Variants in COL25A1 observed in about 807,000 individuals in gnomAD.
The protein encoded by COL25A1 is collagen type XXV alpha 1 chain, also known as collagen alpha-1(XXV) chain.
COL25A1 carries 103 observed loss-of-function variants against 128.4 expected under a neutral mutation model. The ratio of observed to expected loss-of-function variants is 0.80; its 90% CI spans 0.68 to 0.94. The LOEUF (loss-of-function observed/expected upper bound fraction) is 0.94, where lower values mean the gene tolerates loss of function less well. Among genes scored for constraint, COL25A1 ranks in the 40% least tolerant of loss-of-function variants. COL25A1 has a pLI of 0.00. For missense variants in COL25A1, 745 were observed against 840.0 expected (o/e 0.89, Z 1.40); for synonymous variants, 279 against 277.2 (o/e 1.01, Z -0.06).
At chr4:108,825,801 G>A (rs1354755956) in intron 33 of COL25A1, among the ~76,000 whole-genome samples, 2 of 152,192 alleles carry the variant, frequency 1.3e-5, no homozygotes, top group Admixed American at 6.5e-5. Flanking sequence ...GTGTACGAAG[G>A]ATGTGAAGGC....
intron 3 of COL25A1, among the ~76,000 whole-genome samples, chr4:109,210,255 A>G (rs1018517147): frequency 6.6e-6 from 1 of 152,064 alleles, no homozygotes; most frequent in Non-Finnish European, 1.5e-5. Context: ...AAAAAACTCC[A>G]TTTTATATTG....
intron 6 of COL25A1, among the ~76,000 whole-genome samples, chr4:108,990,000 G>A (rs892989979): frequency 5.3e-5 from 8 of 151,646 alleles, no homozygotes; most frequent in African/African-American, 1.9e-4. Flanking sequence ...ATCACTTGGG[G>A]TCAGGAGTTT....
chr4:108,829,395 CT>C (rs1732793219), intron 32 of COL25A1, among the ~76,000 whole-genome samples: 3 of 72,590 alleles, frequency 4.1e-5, no homozygotes, highest in Non-Finnish European at 9.1e-5. Flanking sequence ...GTGTATCTAT[CT>C]ATCTATCTAT....
rs192452929 is a variant in COL25A1 at position 108,945,995 on chromosome 4, A to T, written c.493-4558T>A. The stretch of plus-strand genomic sequence containing the variant: ...TAATTTGTACATATTTTCACACCCA[A>T]ATACTTTGAATTCTTAAGAAATCGG... On this transcript the variant is annotated intron_variant, in intron 8 of 37. Coordinates refer to ENST00000399132, the MANE Select transcript of COL25A1 (RefSeq NM_198721.4). 1.1e-3 allele frequency among the ~76,000 whole-genome samples: 167 copies of T among 152,256 alleles called. 1 individual carries two copies. The highest frequency in any genetic ancestry group is 3.9e-3 in the African/African-American group (162 of 41,550).
intron 3 of COL25A1, among the ~76,000 whole-genome samples, chr4:109,260,252 A>C (rs941077077): frequency 2.0e-5 from 3 of 152,216 alleles, no homozygotes; most frequent in African/African-American, 2.4e-5. Context: ...AAGTATTCTC[A>C]TAATAAGCTG....
chr4:109,047,437 A>G (rs1040494551), intron 5 of COL25A1, among the ~76,000 whole-genome samples: 21 of 152,232 alleles, frequency 1.4e-4, no homozygotes, highest in African/African-American at 5.1e-4. Context: ...TGAGGATGCA[A>G]AGGCATAAGA....
intron 5 of COL25A1, among the ~76,000 whole-genome samples, chr4:109,041,841 T>A (rs532897974): frequency 6.6e-6 from 1 of 151,998 alleles, no homozygotes; most frequent in African/African-American, 2.4e-5. Context: ...GATGGCAGAG[T>A]CTCCATCAGT....
In COL25A1 at chr4:108,899,011, A is replaced by ATCTATC. The variant is rs1553963413; in HGVS notation, c.861+142_861+143insGATAGA. 12 of 586,014 alleles carry ATCTATC rather than the reference A, an allele frequency of 2.0e-5. 1 individual carries two copies. Among genetic ancestry groups the ATCTATC allele is most frequent in the South Asian group, 7.8e-5 (3 of 38,616 alleles). The allele number at this position is 586,014 out of a possible 1,614,324, so 36.3% of individuals were successfully genotyped here. A position where few individuals can be genotyped will look rare whatever the true frequency, so the allele number is the denominator to read the frequency against. Reference sequence around the variant, plus strand: ...TATATCTATATATCTATATATCTATATACCTACCTACCTACCTATTAATCT... The same window carrying ATCTATC: ...TATATCTATATATCTATATATCTATATCTATCTACCTACCTACCTACCTATTAATCT... On this transcript the variant is annotated intron_variant, in intron 15 of 37. Coordinates refer to ENST00000399132, the MANE Select transcript of COL25A1 (RefSeq NM_198721.4).
intron 21 of COL25A1, 80 bp downstream of exon 21, chr4:108,863,239 A>G: frequency 1.5e-6 from 2 of 1,351,914 alleles, no homozygotes; most frequent in Non-Finnish European, 2.1e-6. Context: ...AATACCTGTT[A>G]AGAATGTTGT....
chr4:109,031,618 C>A (rs774047161), intron 5 of COL25A1, among the ~76,000 whole-genome samples: 3 of 152,056 alleles, frequency 2.0e-5, no homozygotes, highest in Non-Finnish European at 4.4e-5. Flanking sequence ...AGATGTACTG[C>A]CCACATTTTA....
At chr4:109,119,633 G>T (rs569750272) in intron 3 of COL25A1, among the ~76,000 whole-genome samples, 1 of 152,084 alleles carries the variant, frequency 6.6e-6, no homozygotes, top group South Asian at 2.1e-4. Context: ...GCCTATTAAT[G>T]AATGAATAAT....
chr4:109,285,422 G>C (rs1248873763), intron 3 of COL25A1, among the ~76,000 whole-genome samples: 1 of 152,170 alleles, frequency 6.6e-6, no homozygotes, highest in African/African-American at 2.4e-5. Flanking sequence ...TAGCCAGAAT[G>C]TCACCAAGGG....
intron 35 of COL25A1, among the ~76,000 whole-genome samples, chr4:108,820,201 G>A (rs187275302): frequency 6.6e-6 from 1 of 152,194 alleles, no homozygotes; most frequent in African/African-American, 2.4e-5. Flanking sequence ...CTGAGTCACA[G>A]ATCCTGTGAG....
At chr4:109,028,711 C>T (rs1307065841) in intron 5 of COL25A1, among the ~76,000 whole-genome samples, 5 of 150,790 alleles carry the variant, frequency 3.3e-5, no homozygotes, top group East Asian at 1.9e-4. Flanking sequence ...GGCGACAGAG[C>T]GGGACTCCAT....
chr4:108,821,027 A>G (rs1396380614), intron 35 of COL25A1, among the ~76,000 whole-genome samples: 1 of 152,236 alleles, frequency 6.6e-6, no homozygotes, highest in African/African-American at 2.4e-5. Context: ...AAATAAATGT[A>G]TTCATTCTGC....
intron 6 of COL25A1, among the ~76,000 whole-genome samples, chr4:109,006,421 GGA>G (rs1756010226): frequency 1.3e-5 from 1 of 76,130 alleles, no homozygotes; most frequent in Non-Finnish European, 2.8e-5. Flanking sequence ...GGTATTTTTA[GGA>G]GAGACAGGGT....
At chr4:109,189,987 ATAAC>A (rs113090543) in intron 3 of COL25A1, among the ~76,000 whole-genome samples, 209 of 152,308 alleles carry the variant, frequency 1.4e-3, no homozygotes, top group African/African-American at 4.9e-3. Flanking sequence ...ATGTTTTAAA[ATAAC>A]TAACAAAGCC....
chr4:109,269,257 T>G (rs1782013861), intron 3 of COL25A1, among the ~76,000 whole-genome samples: 1 of 150,854 alleles, frequency 6.6e-6, no homozygotes, highest in Non-Finnish European at 1.5e-5. Context: ...ACAAAGGACA[T>G]GAACGCATTA....
chr4:108,995,303 C>G (rs1579020709), intron 6 of COL25A1, among the ~76,000 whole-genome samples: 3 of 152,116 alleles, frequency 2.0e-5, no homozygotes, highest in Admixed American at 6.5e-5. Flanking sequence ...AACCATGGCA[C>G]AAGAACTTCG....
Sources: gnomAD v4.1 joint callset for allele counts (sites outside exome capture counted in the v4.1 genomes callset) on GRCh38, gnomAD v4.1.1 for gene constraint, MANE v1.5 for transcripts, NCBI Gene and HGNC (gene_info 2026-07-23, HGNC 2026-07-21) for gene names.